The following LRRTM4 variants were observed in gnomAD, a reference collection of about 807,000 sequenced individuals.
LRRTM4 encodes leucine rich repeat transmembrane neuronal 4, also known as leucine-rich repeat transmembrane neuronal protein 4.
A neutral mutation model predicts 47.6 loss-of-function variants in LRRTM4; 25 were observed. The observed-to-expected ratio is 0.53, with a 90% CI of 0.38 to 0.73. The LOEUF is 0.73. Among genes scored for constraint, LRRTM4 ranks in the 30% least tolerant of loss-of-function variants. The pLI, the probability that LRRTM4 is intolerant of heterozygous loss-of-function variation, is 0.00. For synonymous variants in LRRTM4, 311 were observed against 269.5 expected (o/e 1.15, Z -1.51); for missense variants, 638 against 713.4 (o/e 0.89, Z 1.20).
At chr2:77,468,766 G>T (rs1414196314) in intron 3 of LRRTM4, among the ~76,000 whole-genome samples, 2 of 152,054 alleles carry the variant, frequency 1.3e-5, no homozygotes, top group Non-Finnish European at 2.9e-5. Flanking sequence ...CCAGTGTCCT[G>T]GCCAAACTCT....
chr2:77,242,896 G>C (rs1313833761), intron 3 of LRRTM4, among the ~76,000 whole-genome samples: 1 of 152,048 alleles, frequency 6.6e-6, no homozygotes, highest in East Asian at 1.9e-4. Flanking sequence ...AACTGTTAGA[G>C]TGGTCTTGAA....
intron 3 of LRRTM4, among the ~76,000 whole-genome samples, chr2:77,163,288 A>C (rs1672783700): frequency 6.6e-6 from 1 of 152,198 alleles, no homozygotes; most frequent in South Asian, 2.1e-4. Flanking sequence ...AAAAAGAGTA[A>C]GAAAAATGAA....
At chr2:77,204,176 C>A (rs1380458189) in intron 3 of LRRTM4, among the ~76,000 whole-genome samples, 1 of 152,104 alleles carries the variant, frequency 6.6e-6, no homozygotes, top group Non-Finnish European at 1.5e-5. Context: ...CAGGGAGCAG[C>A]AGAGAACAGA....
chr2:77,031,334 T>C (rs1648960801), intron 3 of LRRTM4, among the ~76,000 whole-genome samples: 1 of 152,200 alleles, frequency 6.6e-6, no homozygotes, highest in Non-Finnish European at 1.5e-5. Flanking sequence ...TTCCTTTAGC[T>C]GTCCTGTGGC....
intron 3 of LRRTM4, among the ~76,000 whole-genome samples, chr2:77,078,895 G>A (rs1035255715): frequency 2.0e-5 from 3 of 152,148 alleles, no homozygotes; most frequent in African/African-American, 7.2e-5. Context: ...TCCAGACACT[G>A]ACAGATTCTG....
At chr2:76,918,861 G>A (rs187029624) in intron 3 of LRRTM4, among the ~76,000 whole-genome samples, 1 of 152,228 alleles carries the variant, frequency 6.6e-6, no homozygotes, top group East Asian at 1.9e-4. Flanking sequence ...CATCCACGAT[G>A]TATTCCACAT....
rs559892107 is a variant in LRRTM4, at chr2:77,005,227, C to A, written c.1552-256311G>T. ...TGGCATGATCTCAGCTCACTGCAAC[C>A]TCTGCTGCCCTGGTTCAAGGGATTC... On this transcript the variant is annotated intron_variant, in intron 3 of 3. Coordinates refer to ENST00000409884, the MANE Select transcript of LRRTM4 (RefSeq NM_001134745.3). 2.6e-5 allele frequency among the ~76,000 whole-genome samples: 4 copies of A among 152,288 alleles called. No homozygotes were observed. The South Asian group carries it at 6.2e-4, about 24-fold the overall frequency.
At chr2:76,922,783 G>A (rs190418469) in intron 3 of LRRTM4, among the ~76,000 whole-genome samples, 1 of 152,144 alleles carries the variant, frequency 6.6e-6, no homozygotes, top group African/African-American at 2.4e-5. Flanking sequence ...CACCACATAT[G>A]CAAATGGTAA....
rs191160909 is a variant in LRRTM4, at chr2:76,946,235, T to G, written c.1552-197319A>C. Among the ~76,000 whole-genome samples the G allele has an allele frequency of 1.7e-3, 254 of 152,058 alleles. 1 individual carries two copies. Among genetic ancestry groups the G allele is most frequent in the Non-Finnish European group, 2.0e-3 (135 of 67,838 alleles). ...CATAATATAAATATGCATTCATGAC[T>G]CAACACATTTTTATAAAACTTTTGC... On this transcript the variant is annotated intron_variant, in intron 3 of 3. Transcript: ENST00000409884.
chr2:76,970,822 A>G (rs563237925), intron 3 of LRRTM4, among the ~76,000 whole-genome samples: 7 of 152,148 alleles, frequency 4.6e-5, no homozygotes, highest in African/African-American at 9.6e-5. Flanking sequence ...TCTAAATGTC[A>G]TGGTTCCAGG....
intron 3 of LRRTM4, among the ~76,000 whole-genome samples, chr2:76,944,771 A>T (rs1675267686): frequency 6.6e-6 from 1 of 152,090 alleles, no homozygotes; most frequent in African/African-American, 2.4e-5. Context: ...CAACTTCCCA[A>T]AGTTCATTTT....
intron 3 of LRRTM4, among the ~76,000 whole-genome samples, chr2:76,899,149 A>G (rs906316301): frequency 6.6e-6 from 1 of 152,102 alleles, no homozygotes; most frequent in African/African-American, 2.4e-5. Flanking sequence ...GAGATGAAAT[A>G]TATATGAGTA....
At chr2:76,810,002 G>A (rs1670686205) in intron 3 of LRRTM4, among the ~76,000 whole-genome samples, 1 of 152,000 alleles carries the variant, frequency 6.6e-6, no homozygotes, top group African/African-American at 2.4e-5. Context: ...TCTCCATTCT[G>A]CTTTACATTT....
chr2:77,026,791 C>A (rs537913019), intron 3 of LRRTM4, among the ~76,000 whole-genome samples: 1 of 151,952 alleles, frequency 6.6e-6, no homozygotes, highest in African/African-American at 2.4e-5. Context: ...TTTGGGGAAG[C>A]CACAATGTTA....
intron 3 of LRRTM4, among the ~76,000 whole-genome samples, chr2:77,190,475 T>G (rs1673637782): frequency 6.6e-6 from 1 of 151,954 alleles, no homozygotes. Context: ...TTTTTTTGTA[T>G]TTTTAGTAGA....
At chr2:77,490,336 AAAAGTGTTAT>A (rs1439134436) in intron 3 of LRRTM4, among the ~76,000 whole-genome samples, 1 of 152,188 alleles carries the variant, frequency 6.6e-6, no homozygotes, top group South Asian at 2.1e-4. Context: ...AATGAAAAAG[AAAAGTGTTAT>A]AAAAGAAAGG....
chr2:77,434,396 C>T (rs950056579), intron 3 of LRRTM4, among the ~76,000 whole-genome samples: 6 of 150,570 alleles, frequency 4.0e-5, no homozygotes, highest in Non-Finnish European at 5.9e-5. Context: ...GAGTCAGAAA[C>T]GTACATGCAA....
chr2:77,244,210 G>A (rs1283325378), intron 3 of LRRTM4, among the ~76,000 whole-genome samples: 2 of 138,594 alleles, frequency 1.4e-5, no homozygotes, highest in Non-Finnish European at 3.1e-5. Context: ...TTGCTATTGT[G>A]AATAATGCCG....
intron 3 of LRRTM4, among the ~76,000 whole-genome samples, chr2:76,982,475 T>C (rs1399360291): frequency 3.3e-5 from 5 of 152,058 alleles, no homozygotes; most frequent in African/African-American, 1.2e-4. Context: ...ATAATGATAA[T>C]AAAAATAAAT....
Sources: gnomAD v4.1 joint callset for allele counts (sites outside exome capture counted in the v4.1 genomes callset) on GRCh38, gnomAD v4.1.1 for gene constraint, MANE v1.5 for transcripts, NCBI Gene and HGNC (gene_info 2026-07-23, HGNC 2026-07-21) for gene names.